The following SCNN1B variants were observed in gnomAD, a reference collection of about 807,000 sequenced individuals.
SCNN1B encodes the protein epithelial sodium channel subunit beta.
SCNN1B carries 46 observed loss-of-function variants against 65.3 expected under a neutral mutation model. That is an observed-to-expected ratio of 0.70 (90% CI 0.56 to 0.90). The LOEUF is 0.90. Among genes scored for constraint, SCNN1B ranks in the 40% least tolerant of loss-of-function variants. The pLI is 0.00. For missense variants in SCNN1B, 751 were observed against 830.5 expected, an observed-to-expected ratio of 0.90 and a Z score of 1.18; for synonymous variants, 349 against 330.6, an observed-to-expected ratio of 1.06 and a Z score of -0.60.
intron 4 of SCNN1B, chr16:23,358,310 A>G (rs969693670): frequency 1.3e-5 from 2 of 152,232 alleles, no homozygotes; most frequent in African/African-American, 4.8e-5. Context: ...AATATTGGCC[A>G]CATAACTTCT....
At chr16:23,291,475 A>AGAGTGTGT (rs1239139013) in intron 2 of SCNN1B, among the ~76,000 whole-genome samples, 1 of 145,558 alleles carries the variant, frequency 6.9e-6, no homozygotes, top group African/African-American at 2.5e-5. Context: ...TGTGTGTGTA[A>AGAGTGTGT]GTGTGTGTGT....
chr16:23,357,329 G>A (rs1428511780), intron 4 of SCNN1B, among the ~76,000 whole-genome samples: 1 of 152,210 alleles, frequency 6.6e-6, no homozygotes, highest in Non-Finnish European at 1.5e-5. Context: ...ACGCCTGTAA[G>A]CCCAACACTT....
chr16:23,291,681 C>T (rs938171602), intron 2 of SCNN1B, among the ~76,000 whole-genome samples: 5 of 151,230 alleles, frequency 3.3e-5, no homozygotes, highest in Non-Finnish European at 5.9e-5. Flanking sequence ...TTTGGGCGAT[C>T]CTCTTGCCTC....
chr16:23,376,679 G>A (rs1362375119), intron 8 of SCNN1B, among the ~76,000 whole-genome samples: 1 of 150,732 alleles, frequency 6.6e-6, no homozygotes, highest in Non-Finnish European at 1.5e-5. Flanking sequence ...GGAGGCCGCG[G>A]TGAGCAGATC....
intron 3 of SCNN1B, among the ~76,000 whole-genome samples, chr16:23,353,404 G>C (rs1181664928): frequency 2.6e-5 from 4 of 152,176 alleles, no homozygotes; most frequent in African/African-American, 9.7e-5. Context: ...TCTCCGTCTT[G>C]GTTCAACTTT....
intron 2 of SCNN1B, among the ~76,000 whole-genome samples, chr16:23,350,056 C>A (rs62029382): frequency 0.092 from 13,895 of 151,694 alleles, 707 homozygotes; most frequent in Middle Eastern, 0.13. Context: ...CCAGCCTGGG[C>A]AACAGAACAA....
chr16:23,368,412 C>T (rs770554998), intron 5 of SCNN1B, among the ~76,000 whole-genome samples: 47 of 151,998 alleles, frequency 3.1e-4, no homozygotes, highest in Non-Finnish European at 5.7e-4. Flanking sequence ...CATGATGGCA[C>T]GTACCTGTAG....
At chr16:23,331,261 C>A (rs925447477) in intron 1 of SCNN1B, among the ~76,000 whole-genome samples, 1 of 152,056 alleles carries the variant, frequency 6.6e-6, no homozygotes, top group Non-Finnish European at 1.5e-5. Flanking sequence ...GCCTTAAGTA[C>A]TCCCTTCTTT....
intron 7 of SCNN1B, among the ~76,000 whole-genome samples, chr16:23,374,241 G>A (rs145767616): frequency 0.04 from 5,551 of 138,912 alleles, 175 homozygotes; most frequent in Admixed American, 0.079. Flanking sequence ...ACCCCAGCCT[G>A]GGCAACAGAG....
At chr16:23,350,359 C>T (rs1241670202) in intron 2 of SCNN1B, among the ~76,000 whole-genome samples, 4 of 152,088 alleles carry the variant, frequency 2.6e-5, no homozygotes, top group Non-Finnish European at 5.9e-5. Context: ...CCGGATTGCC[C>T]GTTCTCCATT....
At position 23,311,135 on chromosome 16, in the gene SCNN1B, C is replaced by T. The variant is rs116681575; in HGVS notation, c.-9+8698C>T. On this transcript the variant is annotated intron_variant, in intron 1 of 12. Coordinates refer to ENST00000343070, the MANE Select transcript of SCNN1B (RefSeq NM_000336.3). ...CTGCCATTTCACCCGCAGGAATTGA[C>T]CCAGTGGTTATCTCTGCATTGGGCA... Among the ~76,000 whole-genome samples, 1,395 of 152,330 alleles carry T rather than the reference C, an allele frequency of 9.2e-3. 26 individuals carry two copies. The highest frequency in any genetic ancestry group is 0.03 in the African/African-American group (1,257 of 41,582).
chr16:23,279,170 G>A (rs762904876), intron 1 of SCNN1B, among the ~76,000 whole-genome samples: 5 of 151,942 alleles, frequency 3.3e-5, no homozygotes, highest in East Asian at 1.9e-4. Flanking sequence ...TCTGCCTCCC[G>A]GGTTCAAGCA....
chr16:23,348,462 AGGGAGGG>A lies in SCNN1B; in HGVS notation c.-8-122_-8-116del, dbSNP rs1962233318. ...AAGAAAAGAAGGAAAAAAGGGAGGG[AGGGAGGG>A]GGGAGGGTAAAGAGGGAGGAAGAAC... On this transcript the variant is annotated intron_variant, in intron 1 of 12. Coordinates refer to ENST00000343070, the MANE Select transcript of SCNN1B (RefSeq NM_000336.3). The surrounding 1 kb of genome is among the most constrained non-coding windows in gnomAD (Gnocchi z 4.5). 1 of 608,848 alleles carries A rather than the reference AGGGAGGG, an allele frequency of 1.6e-6. No homozygotes were observed. The highest frequency in any genetic ancestry group is 2.6e-6 in the Non-Finnish European group (1 of 380,308). The allele number at this position is 608,848 out of a possible 1,614,324, so 37.7% of individuals were successfully genotyped here. A position where few individuals can be genotyped will look rare whatever the true frequency, so the allele number is the denominator to read the frequency against.
chr16:23,303,956 C>T (rs1428684472), intron 1 of SCNN1B: 2 of 839,666 alleles, frequency 2.4e-6, no homozygotes, highest in African/African-American at 1.7e-5. Context: ...GTACAACCCA[C>T]CTATGTCATT....
At chr16:23,333,947 G>A (rs1961882382) in intron 1 of SCNN1B, among the ~76,000 whole-genome samples, 1 of 152,152 alleles carries the variant, frequency 6.6e-6, no homozygotes, top group Admixed American at 6.5e-5. Flanking sequence ...ACCCTACCCT[G>A]TCTGCCCTTG....
intron 2 of SCNN1B, among the ~76,000 whole-genome samples, chr16:23,285,169 A>G (rs887616458): frequency 2.0e-5 from 3 of 152,192 alleles, no homozygotes; most frequent in Admixed American, 6.6e-5. Flanking sequence ...AAGGTACCAT[A>G]TGGTCATGTT....
At chr16:23,368,881 A>T (rs7187037) in intron 5 of SCNN1B, among the ~76,000 whole-genome samples, 4,703 of 152,236 alleles carry the variant, frequency 0.031, 245 homozygotes, top group African/African-American at 0.11. Flanking sequence ...AAGGAGAGAC[A>T]TCAGAGACTT....
intron 1 of SCNN1B, among the ~76,000 whole-genome samples, chr16:23,332,080 T>C (rs1055115565): frequency 2.6e-5 from 4 of 152,044 alleles, no homozygotes; most frequent in African/African-American, 9.7e-5. Flanking sequence ...CCAGGCTAGA[T>C]TGCAGTGGTG....
chr16:23,352,820 T>C lies in SCNN1B; in HGVS notation c.331T>C (p.Leu111=). ...SPFKYSKIKH[L]LKDLDELMEA... ...ATCCAGGTATTCCAAAATCAAGCAT[T>C]TGCTGAAGGACCTGGATGAGCTGAT... Residue 111 remains leucine, a synonymous_variant, in exon 3 of 13, where the codon TTG becomes CTG. Coordinates refer to ENST00000343070, the MANE Select transcript of SCNN1B (RefSeq NM_000336.3). 1 of 1,614,116 alleles carries C rather than the reference T, an allele frequency of 6.2e-7. No homozygotes were observed. Among genetic ancestry groups the C allele is most frequent in the South Asian group, 1.1e-5 (1 of 91,060 alleles).
Sources: gnomAD v4.1 joint callset for allele counts (sites outside exome capture counted in the v4.1 genomes callset) on GRCh38, gnomAD v4.1.1 for gene constraint, Gnocchi (gnomAD v3.1) non-coding constraint, MANE v1.5 for transcripts, NCBI Gene and HGNC (gene_info 2026-07-23, HGNC 2026-07-21) for gene names.